The following POC1B variants were observed in gnomAD, a reference collection of about 807,000 sequenced individuals.
POC1B encodes POC1 centriolar protein homolog B.
In POC1B, 44 loss-of-function variants were observed where a neutral mutation model predicts 60.6. The ratio of observed to expected loss-of-function variants is 0.73; its 90% CI spans 0.57 to 0.93. POC1B has a LOEUF of 0.93. Among genes scored for constraint, POC1B ranks in the 40% least tolerant of loss-of-function variants. POC1B has a pLI of 0.00. For synonymous variants in POC1B, 180 were observed against 198.9 expected (o/e 0.90, Z 0.80); for missense variants, 555 against 572.3 (o/e 0.97, Z 0.31).
intron 4 of POC1B, among the ~76,000 whole-genome samples, chr12:89,484,445 T>C (rs1868530825): frequency 6.6e-6 from 1 of 152,228 alleles, no homozygotes. Context: ...CCCAAAACTA[T>C]GTGCAAATAT....
intron 3 of POC1B, among the ~76,000 whole-genome samples, chr12:89,493,348 T>C (rs1869079311): frequency 6.6e-6 from 1 of 152,188 alleles, no homozygotes; most frequent in African/African-American, 2.4e-5. Context: ...GACTAGCATC[T>C]AGCAATATGT....
chr12:89,416,847 A>G (rs970188930), downstream of POC1B, among the ~76,000 whole-genome samples: 2 of 152,234 alleles, frequency 1.3e-5, no homozygotes, highest in African/African-American at 4.8e-5. Context: ...TGTTCATCCC[A>G]CAGGCAAGTG....
rs533338960 is a variant in POC1B, at chr12:89,525,995, G to T, written c.-100C>A. 1.5e-5 allele frequency: 23 copies of T among 1,542,770 alleles called. No homozygotes were observed. The highest frequency in any genetic ancestry group is 4.9e-5 in the East Asian group (2 of 40,750). ...AGGGGACCGTGCGGCTCCCGGAACC[G>T]TCTGCCCAGAGCGGCAGCGCCTCCC... On this transcript the variant is annotated 5_prime_UTR_variant, in exon 1 of 12. Transcript: ENST00000313546.
Position 89,500,743 on chromosome 12 carries a change from A to G in POC1B, c.101-3401T>C, listed in dbSNP as rs1592631090. ...TTGAAGATAAAGTTATTTTAAAGAA[A>G]ATAGAAATAGATAGAAATAGATAAT... On this transcript the variant is annotated intron_variant, in intron 2 of 11. Coordinates refer to ENST00000313546, the MANE Select transcript of POC1B (RefSeq NM_172240.3). 2.6e-6 allele frequency: 3 copies of G among 1,164,062 alleles called. No homozygotes were observed. In the East Asian group the frequency reaches 7.5e-5, roughly 29 times the overall value. 72.1% of individuals were successfully genotyped at this position (1,164,062 alleles called of 1,614,324 possible).
intron 2 of POC1B, among the ~76,000 whole-genome samples, chr12:89,499,024 G>A (rs2135744806): frequency 6.6e-6 from 1 of 152,288 alleles, no homozygotes; most frequent in East Asian, 1.9e-4. Context: ...GATCCTGGCT[G>A]AGACATGGAT....
chr12:89,427,999 G>A (rs1880846206), intron 10 of POC1B: 1 of 152,222 alleles, frequency 6.6e-6, no homozygotes. Flanking sequence ...CTACTGAGCT[G>A]ACAGCAAGGA....
At chr12:89,524,345 C>T (rs1335584215) in intron 2 of POC1B, 1 of 1,613,932 alleles carries the variant, frequency 6.2e-7, no homozygotes, top group Non-Finnish European at 8.5e-7. Context: ...CGGGAATCTG[C>T]AGGGGGCTTC....
chr12:89,513,772 T>C (rs1870301376), intron 2 of POC1B, among the ~76,000 whole-genome samples: 1 of 152,122 alleles, frequency 6.6e-6, no homozygotes, highest in African/African-American at 2.4e-5. Flanking sequence ...AGGCTTGAGC[T>C]CCAGCTCCAG....
At chr12:89,413,686 G>A in the POC1B span, among the ~76,000 whole-genome samples, 2 of 151,994 alleles carry the variant, frequency 1.3e-5, no homozygotes, top group Non-Finnish European at 2.9e-5. Flanking sequence ...ACATTGTGTG[G>A]TTCAGAATAT....
chr12:89,459,256 T>TTG, intron 10 of POC1B, among the ~76,000 whole-genome samples: 1 of 151,806 alleles, frequency 6.6e-6, no homozygotes, highest in South Asian at 2.1e-4. Flanking sequence ...CCAGGGCCTG[T>TTG]TGTGGGGTGG....
At chr12:89,414,436 C>G in the POC1B span, among the ~76,000 whole-genome samples, 1 of 152,224 alleles carries the variant, frequency 6.6e-6, no homozygotes, top group East Asian at 1.9e-4. Flanking sequence ...ACCTCTGCCT[C>G]TTGGCAAGCC....
Position 89,525,753 on chromosome 12 carries a change from G to T in POC1B, c.15+128C>A, listed in dbSNP as rs915965821. Reference sequence around the variant, plus strand: ...GAGATACGGACGCCCCGGGACGAGGGGCTCAGGACCCGGCTACGGACACCT... The same window carrying T: ...GAGATACGGACGCCCCGGGACGAGGTGCTCAGGACCCGGCTACGGACACCT... On this transcript the variant is annotated intron_variant, in intron 1 of 11. Coordinates refer to ENST00000313546, the MANE Select transcript of POC1B (RefSeq NM_172240.3). 7 of 1,325,472 alleles carry T rather than the reference G, an allele frequency of 5.3e-6. No individual in the cohort carries two copies. The Admixed American group carries it at 2.0e-4, about 39-fold the overall frequency. The allele number at this position is 1,325,472 out of a possible 1,614,324, so 82.1% of individuals were successfully genotyped here.
At chr12:89,509,955 T>C in intron 2 of POC1B, among the ~76,000 whole-genome samples, 1 of 152,148 alleles carries the variant, frequency 6.6e-6, no homozygotes, top group East Asian at 1.9e-4. Context: ...AAGTGATTCT[T>C]GTGCCTCAGC....
the POC1B span, among the ~76,000 whole-genome samples, chr12:89,407,814 ATTAT>A: frequency 7.0e-6 from 1 of 142,084 alleles, no homozygotes; most frequent in Admixed American, 7.0e-5. Flanking sequence ...AGGATTTATT[ATTAT>A]TATTATACTT....
At chr12:89,500,042 C>T (rs897641534) in intron 2 of POC1B, 40 of 1,173,542 alleles carry the variant, frequency 3.4e-5, no homozygotes, top group Non-Finnish European at 4.7e-5. Flanking sequence ...GAGCTGTGGT[C>T]TGTGTGGGCT....
chr12:89,404,254 A>C, the POC1B span, among the ~76,000 whole-genome samples: 1 of 152,024 alleles, frequency 6.6e-6, no homozygotes, highest in Non-Finnish European at 1.5e-5. Context: ...CCACCATTCC[A>C]AGCTGAGGGA....
chr12:89,429,858 T>C (rs1880956507), intron 10 of POC1B, among the ~76,000 whole-genome samples: 1 of 152,230 alleles, frequency 6.6e-6, no homozygotes, highest in Admixed American at 6.5e-5. Context: ...TTCCCACCTC[T>C]TACTTCTATT....
At chr12:89,489,599 C>T (rs1592622511) in intron 4 of POC1B, among the ~76,000 whole-genome samples, 1 of 152,100 alleles carries the variant, frequency 6.6e-6, no homozygotes, top group African/African-American at 2.4e-5. Flanking sequence ...GAGACCATAA[C>T]GACAGTGAGG....
chr12:89,493,759 G>A lies in POC1B; in HGVS notation c.273-1644C>T, dbSNP rs535453413. 6.6e-5 allele frequency among the ~76,000 whole-genome samples: 10 copies of A among 152,290 alleles called. No homozygotes were observed. The East Asian group carries it at 1.7e-3, about 26-fold the overall frequency. On this transcript the variant is annotated intron_variant, in intron 3 of 11. Transcript: ENST00000313546. ...AGTTCTGCACTCCACACTCCAGCAG[G>A]CTGTTCTGTTTGCCTCCTTTCTAAA...
Sources: allele counts gnomAD v4.1 joint callset (sites outside exome capture counted in the v4.1 genomes callset), GRCh38; gene constraint gnomAD v4.1.1; transcripts MANE v1.5; gene names NCBI Gene and HGNC (gene_info 2026-07-23, HGNC 2026-07-21).